DAPP1: variants seen among roughly 807,000 people sequenced by gnomAD.
DAPP1 encodes dual adaptor of phosphotyrosine and 3-phosphoinositides 1, also known as dual adapter for phosphotyrosine and 3-phosphotyrosine and 3-phosphoinositide.
DAPP1 carries 20 observed loss-of-function variants against 41.5 expected under a neutral mutation model. That is an observed-to-expected ratio of 0.48 (90% CI 0.34 to 0.70). The LOEUF is 0.70. Ranked by LOEUF, DAPP1 falls within the 30% of genes least tolerant of loss-of-function variation. The pLI is 0.01. For missense variants in DAPP1, 233 were observed against 333.4 expected, an observed-to-expected ratio of 0.70 and a Z score of 2.35; for synonymous variants, 113 against 116.2, an observed-to-expected ratio of 0.97 and a Z score of 0.18.
At chr4:99,863,718 GTT>G (rs61359294) in intron 6 of DAPP1, 50 bp from the exon 7 acceptor site, 10,336 of 865,884 alleles carry the variant, frequency 0.012, no homozygotes, top group Non-Finnish European at 0.013. Flanking sequence ...AGATTTGTCT[GTT>G]TTTTTTTTTT....
chr4:99,851,384 G>C (rs1212840198), intron 3 of DAPP1, among the ~76,000 whole-genome samples: 1 of 152,070 alleles, frequency 6.6e-6, no homozygotes, highest in African/African-American at 2.4e-5. Flanking sequence ...CTCTGAGGTC[G>C]AGATCAGACA....
chr4:99,822,879 G>C (rs77401535), intron 1 of DAPP1, among the ~76,000 whole-genome samples: 4 of 152,142 alleles, frequency 2.6e-5, no homozygotes, highest in Non-Finnish European at 1.5e-5. Flanking sequence ...CCTCTACCAA[G>C]AGCACAGTGA....
chr4:99,827,150 G>T (rs1722961246), intron 1 of DAPP1, among the ~76,000 whole-genome samples: 2 of 152,116 alleles, frequency 1.3e-5, no homozygotes, highest in South Asian at 4.1e-4. Flanking sequence ...TGAGGGAGGG[G>T]CCTGAGGTTG....
At chr4:99,824,898 A>G (rs1722887529) in intron 1 of DAPP1, among the ~76,000 whole-genome samples, 1 of 152,090 alleles carries the variant, frequency 6.6e-6, no homozygotes, top group Non-Finnish European at 1.5e-5. Context: ...TGTACTGTGA[A>G]GGCTTCCCTG....
At chr4:99,871,388 T>C (rs141375609), downstream of DAPP1, among the ~76,000 whole-genome samples, 133 of 152,292 alleles carry the variant, frequency 8.7e-4, no homozygotes, top group African/African-American at 3.1e-3. Flanking sequence ...TCTTAAACCA[T>C]CTATTGCAAA....
intron 1 of DAPP1, among the ~76,000 whole-genome samples, chr4:99,821,463 A>G (rs903505204): frequency 3.3e-5 from 5 of 152,260 alleles, no homozygotes; most frequent in African/African-American, 1.2e-4. Flanking sequence ...AATGGCAATT[A>G]GTAATTATTG....
Position 99,834,296 on chromosome 4 carries a change from T to C in DAPP1, c.102-1327T>C, listed in dbSNP as rs78653215. On this transcript the variant is annotated intron_variant, in intron 1 of 8. Transcript: ENST00000512369. ...TCTCTTAAGAGGAAGCACAGGAAAA[T>C]GGTTACCAAGGTGTCCTCTAGGAAA... is the stretch of plus-strand genomic sequence containing the variant. 3.3e-5 allele frequency among the ~76,000 whole-genome samples: 5 copies of C among 152,138 alleles called. No homozygotes were observed. In the East Asian group the frequency reaches 9.7e-4, roughly 29 times the overall value.
intron 4 of DAPP1, among the ~76,000 whole-genome samples, chr4:99,861,091 TAAAATA>T (rs1438724381): frequency 3.9e-5 from 6 of 152,178 alleles, no homozygotes; most frequent in Non-Finnish European, 8.8e-5. Context: ...GATTATGTGA[TAAAATA>T]AATAGTAAAA....
At chr4:99,822,410 T>C (rs1722803090) in intron 1 of DAPP1, among the ~76,000 whole-genome samples, 1 of 152,178 alleles carries the variant, frequency 6.6e-6, no homozygotes, top group Non-Finnish European at 1.5e-5. Context: ...GGCTGAGGGC[T>C]GTGACAGTGT....
chr4:99,863,978 A>G (rs974217043), intron 7 of DAPP1, 123 bp downstream of exon 7: 3 of 645,308 alleles, frequency 4.6e-6, no homozygotes, highest in African/African-American at 1.9e-5. Context: ...GCATGCCTGC[A>G]TGTAAGGAGT....
rs147799295 is a variant in DAPP1 at position 99,817,118 on chromosome 4, C to T, written c.101+104C>T. ...TGACTATCTTCAGTGCCTTGTTGCC[C>T]TCTGCCACCTCAACCATTTATTTTT... is the stretch of plus-strand genomic sequence containing the variant. On this transcript the variant is annotated intron_variant, in intron 1 of 8. Coordinates refer to ENST00000512369, the MANE Select transcript of DAPP1 (RefSeq NM_014395.3). 329 of 729,306 alleles carry T rather than the reference C, an allele frequency of 4.5e-4. 1 individual carries two copies. The African/African-American group carries it at 5.6e-3, about 12-fold the overall frequency. The allele number at this position is 729,306 out of a possible 1,614,324, so 45.2% of individuals were successfully genotyped here. A position where few individuals can be genotyped will look rare whatever the true frequency, so the allele number is the denominator to read the frequency against.
intron 7 of DAPP1, 62 bp from the exon 8 acceptor site, chr4:99,865,972 A>ATATTT (rs1560711355): frequency 2.7e-5 from 4 of 148,192 alleles, no homozygotes; most frequent in South Asian, 1.1e-4. Context: ...TATATTATAT[A>ATATTT]TATATATATA....
At chr4:99,829,124 A>G (rs1212654878) in intron 1 of DAPP1, among the ~76,000 whole-genome samples, 1 of 152,100 alleles carries the variant, frequency 6.6e-6, no homozygotes, top group African/African-American at 2.4e-5. Flanking sequence ...TTTTTCTGTA[A>G]AAGTTAAAGA....
At chr4:99,819,469 AT>A (rs1380565763) in intron 1 of DAPP1, among the ~76,000 whole-genome samples, 3 of 152,174 alleles carry the variant, frequency 2.0e-5, no homozygotes, top group Non-Finnish European at 1.5e-5. Context: ...TCACTGATAC[AT>A]TTTTTATAGA....
intron 3 of DAPP1, among the ~76,000 whole-genome samples, chr4:99,845,440 T>C (rs1223284081): frequency 6.6e-6 from 1 of 152,196 alleles, no homozygotes; most frequent in African/African-American, 2.4e-5. Context: ...CTCTTGAAAT[T>C]GGTCCTACAG....
chr4:99,823,335 A>G (rs1249581868), intron 1 of DAPP1, among the ~76,000 whole-genome samples: 1 of 152,036 alleles, frequency 6.6e-6, no homozygotes, highest in Non-Finnish European at 1.5e-5. Context: ...ATATATATTA[A>G]TTATCAAAAA....
intron 3 of DAPP1, 114 bp downstream of exon 3, chr4:99,840,536 T>G (rs1192848358): frequency 8.1e-7 from 1 of 1,236,646 alleles, no homozygotes; most frequent in Non-Finnish European, 1.1e-6. Flanking sequence ...AGCATTATCT[T>G]GAAGAGAAAA....
chr4:99,818,000 G>A (rs1578336598), intron 1 of DAPP1, among the ~76,000 whole-genome samples: 1 of 152,150 alleles, frequency 6.6e-6, no homozygotes, highest in East Asian at 1.9e-4. Context: ...CCTACCACAG[G>A]CTATGTCCGA....
At chr4:99,851,202 TCTC>T (rs1022107442) in intron 3 of DAPP1, among the ~76,000 whole-genome samples, 4 of 152,150 alleles carry the variant, frequency 2.6e-5, no homozygotes, top group Non-Finnish European at 5.9e-5. Context: ...GCCGGCCCCT[TCTC>T]CTCATATGAC....
Sources: allele counts gnomAD v4.1 joint callset (sites outside exome capture counted in the v4.1 genomes callset), GRCh38; gene constraint gnomAD v4.1.1; transcripts MANE v1.5; gene names NCBI Gene and HGNC (gene_info 2026-07-23, HGNC 2026-07-21).